The following ZNF85 variants were observed in gnomAD, a reference collection of about 807,000 sequenced individuals.
ZNF85 encodes the protein zinc finger protein 85 (HPF4, HTF1).
ZNF85 carries 50 observed loss-of-function variants against 53.9 expected under a neutral mutation model. The ratio of observed to expected loss-of-function variants is 0.93; its 90% CI spans 0.74 to 1.17. The LOEUF (loss-of-function observed/expected upper bound fraction) is 1.17. Among genes scored for constraint, ZNF85 ranks in the 50% most tolerant of loss-of-function variants. The pLI is 0.00. For missense variants in ZNF85, 747 were observed against 688.5 expected (o/e 1.08, Z -0.95); for synonymous variants, 225 against 226.1 (o/e 1.00, Z 0.04).
intron 3 of ZNF85, among the ~76,000 whole-genome samples, chr19:20,941,169 A>G (rs1973285973): frequency 6.6e-6 from 1 of 151,994 alleles, no homozygotes. Context: ...GTTTTTTTAT[A>G]TTTTATAGTG....
chr19:20,944,042 GTATC>G (rs1397767344), intron 3 of ZNF85: 1 of 303,024 alleles, frequency 3.3e-6, no homozygotes, highest in Non-Finnish European at 4.8e-6. Context: ...TTTATGTTGT[GTATC>G]TATTAACAGA....
intron 1 of ZNF85, among the ~76,000 whole-genome samples, chr19:20,933,372 G>GTTT (rs112577042): frequency 1.4e-5 from 2 of 143,618 alleles, no homozygotes; most frequent in Non-Finnish European, 3.1e-5. Flanking sequence ...TTTTTTCTTA[G>GTTT]TTTTTTTTTT....
chr19:20,938,136 G>A (rs1237441475), intron 3 of ZNF85, among the ~76,000 whole-genome samples: 1 of 152,138 alleles, frequency 6.6e-6, no homozygotes, highest in Non-Finnish European at 1.5e-5. Context: ...GCAGTGGCAT[G>A]ATCTTGGCTC....
Position 20,949,905 on chromosome 19 carries a change from A to G in ZNF85, c.1391A>G (p.Asn464Ser), listed in dbSNP as rs781300350. 2 of 1,612,902 alleles carry G rather than the reference A, an allele frequency of 1.2e-6. No homozygotes were observed. The highest frequency in any genetic ancestry group is 1.7e-6 in the Non-Finnish European group (2 of 1,179,498). The change falls in exon 4 of 4, where the codon AAC (asparagine) becomes AGC (serine). Residue 464 changes from asparagine (N) to serine (S), a missense_variant. Coordinates refer to ENST00000328178, the MANE Select transcript of ZNF85 (RefSeq NM_003429.5). ...TGTGAAAAATGTGGCAAAGCTTTTA[A>G]CCAGTCCTCAAATCTTACTAGACAT... ...YECEKCGKAF[N>S]QSSNLTRHKK...
chr19:20,930,120 C>CAAAAAAAAAAA (rs57832039), intron 1 of ZNF85, among the ~76,000 whole-genome samples: 28 of 79,228 alleles, frequency 3.5e-4, no homozygotes, highest in Non-Finnish European at 4.3e-4. Flanking sequence ...GACTCCGTCC[C>CAAAAAAAAAAA]AAAAAAAAAA....
At chr19:20,937,856 G>A (rs1388883947) in intron 3 of ZNF85, among the ~76,000 whole-genome samples, 1 of 152,194 alleles carries the variant, frequency 6.6e-6, no homozygotes, top group Non-Finnish European at 1.5e-5. Flanking sequence ...TACTGTGGCT[G>A]GGAGGAGTTT....
At chr19:20,942,126 C>T (rs146644095) in intron 3 of ZNF85, among the ~76,000 whole-genome samples, 1,813 of 151,906 alleles carry the variant, frequency 0.012, 35 homozygotes, top group African/African-American at 0.035. Context: ...TGTGTCAGTA[C>T]CACATTGCTT....
Position 20,949,091 on chromosome 19 carries a change from A to T in ZNF85, c.577A>T (p.Ser193Cys). 1 of 1,613,764 alleles carries T rather than the reference A, an allele frequency of 6.2e-7. No individual in the cohort carries two copies. Among genetic ancestry groups the T allele is most frequent in the South Asian group, 1.1e-5 (1 of 91,028 alleles). The change falls in exon 4 of 4, where the codon AGC becomes TGC. Residue 193 changes from serine to cysteine, a missense_variant. By Grantham distance (112) the Ser-to-Cys change is moderately radical (BLOSUM62 -1). Coordinates refer to ENST00000328178, the MANE Select transcript of ZNF85 (RefSeq NM_003429.5). The stretch of plus-strand genomic sequence containing the variant: ...CATGATTTCATGCCTAACTGAACAT[A>T]GCAGAATTCATACTAGAGTAAATTT... ...FGMISCLTEH[S>C]RIHTRVNFYK... is the part of the protein sequence containing the mutation.
chr19:20,944,183 C>T (rs992240756), intron 3 of ZNF85: 2 of 153,020 alleles, frequency 1.3e-5, no homozygotes, highest in African/African-American at 4.8e-5. Flanking sequence ...TTTTATGATG[C>T]TGTTCAGCAT....
Position 20,950,482 on chromosome 19 carries a change from T to C in ZNF85, c.*180T>C. 1 of 454,372 alleles carries C rather than the reference T, an allele frequency of 2.2e-6. No individual in the cohort carries two copies. Among genetic ancestry groups the C allele is most frequent in the South Asian group, 5.5e-5 (1 of 18,138 alleles). The allele number at this position is 454,372 out of a possible 1,614,324, so 28.1% of individuals were successfully genotyped here. ...TGAAGACTATGGCAAAGTCTTTAAA[T>C]GGTTGTCACACTTTAGGTAAGATAA... On this transcript the variant is annotated 3_prime_UTR_variant, in exon 4 of 4. Coordinates refer to ENST00000328178, the MANE Select transcript of ZNF85 (RefSeq NM_003429.5).
chr19:20,950,596 G>A lies in ZNF85; in HGVS notation c.*294G>A. 1 of 252,554 alleles carries A rather than the reference G, an allele frequency of 4.0e-6. No individual in the cohort carries two copies. The allele number at this position is 252,554 out of a possible 1,614,324, so 15.6% of individuals were successfully genotyped here. A position where few individuals can be genotyped will look rare whatever the true frequency, so the allele number is the denominator to read the frequency against. Reference sequence around the variant, plus strand: ...ACTGCACAGAAAAGAATTTTTAGTTGAGAAAAAGTATACAAATATAAAGAA... The same window carrying A: ...ACTGCACAGAAAAGAATTTTTAGTTAAGAAAAAGTATACAAATATAAAGAA... On this transcript the variant is annotated 3_prime_UTR_variant, in exon 4 of 4. Transcript: ENST00000328178.
At chr19:20,926,697 C>T (rs997389052) in intron 1 of ZNF85, 4 of 152,142 alleles carry the variant, frequency 2.6e-5, no homozygotes, top group African/African-American at 9.7e-5. Flanking sequence ...CTGAGAGAAG[C>T]TCCAAAGCCT....
intron 1 of ZNF85, among the ~76,000 whole-genome samples, chr19:20,925,446 G>C (rs12980702): frequency 0.097 from 13,422 of 138,012 alleles, 735 homozygotes; most frequent in Non-Finnish European, 0.12. Context: ...GAAAGAGCGA[G>C]ACTGTATACA....
intron 1 of ZNF85, among the ~76,000 whole-genome samples, chr19:20,930,456 G>C (rs1353826097): frequency 2.0e-5 from 3 of 151,010 alleles, no homozygotes; most frequent in African/African-American, 7.3e-5. Flanking sequence ...TTTCTTCTAT[G>C]CAATTAAAAA....
At chr19:20,925,019 A>C (rs1283772806) in intron 1 of ZNF85, among the ~76,000 whole-genome samples, 3 of 152,138 alleles carry the variant, frequency 2.0e-5, no homozygotes, top group African/African-American at 2.4e-5. Flanking sequence ...TGTCTAGTGA[A>C]TATCAGCTCC....
At chr19:20,948,157 T>G (rs1973467965) in intron 3 of ZNF85, among the ~76,000 whole-genome samples, 2 of 152,126 alleles carry the variant, frequency 1.3e-5, no homozygotes, top group South Asian at 4.1e-4. Context: ...TTTAGGTCTT[T>G]TTTAGTTAAA....
intron 3 of ZNF85, among the ~76,000 whole-genome samples, chr19:20,935,658 AT>A (rs966936998): frequency 1.2e-3 from 182 of 145,640 alleles, no homozygotes; most frequent in Admixed American, 3.7e-3. Flanking sequence ...TGCCACTAGA[AT>A]TTTTTTTTTT....
At chr19:20,931,661 G>A (rs1011493035) in intron 1 of ZNF85, among the ~76,000 whole-genome samples, 4 of 138,556 alleles carry the variant, frequency 2.9e-5, no homozygotes, top group Non-Finnish European at 4.5e-5. Context: ...TCACTGGAGT[G>A]CAGTGGTGCA....
chr19:20,939,679 G>A (rs918590609), intron 3 of ZNF85, among the ~76,000 whole-genome samples: 5 of 152,120 alleles, frequency 3.3e-5, no homozygotes, highest in African/African-American at 1.2e-4. Flanking sequence ...ATACAAATCA[G>A]CCATATGTCT....
Sources: gnomAD v4.1 joint callset for allele counts (sites outside exome capture counted in the v4.1 genomes callset) on GRCh38, gnomAD v4.1.1 for gene constraint, MANE v1.5 for transcripts, NCBI Gene and HGNC (gene_info 2026-07-23, HGNC 2026-07-21) for gene names.